Variants in LRP2 observed in about 807,000 individuals in gnomAD.
LRP2 encodes the protein LDL receptor related protein 2.
In LRP2, 172 loss-of-function variants were observed where a neutral mutation model predicts 531.0. That is an observed-to-expected ratio of 0.32 (90% CI 0.29 to 0.37). LRP2 has a LOEUF of 0.37. Among genes scored for constraint, LRP2 ranks in the 10% least tolerant of loss-of-function variants. The pLI, the probability that LRP2 is intolerant of heterozygous loss-of-function variation, is 1.00. For missense variants in LRP2, 5,167 were observed against 5,868.3 expected (o/e 0.88, Z 3.90); for synonymous variants, 1,992 against 2,027.6 (o/e 0.98, Z 0.47).
At chr2:169,193,706 C>T in intron 47 of LRP2, 55 bp downstream of exon 47, 1 of 1,610,112 alleles carries the variant, frequency 6.2e-7, no homozygotes, top group Non-Finnish European at 8.5e-7. Flanking sequence ...AAAAACAACT[C>T]TACTGTGTTT....
At chr2:169,170,770 T>A in intron 58 of LRP2, 103 bp from the exon 59 acceptor site, 1 of 822,960 alleles carries the variant, frequency 1.2e-6, no homozygotes, top group Non-Finnish European at 2.2e-6. Flanking sequence ...CACCCTCCTG[T>A]GTCCCAAGCC....
intron 3 of LRP2, among the ~76,000 whole-genome samples, chr2:169,314,032 A>G (rs1684691756): frequency 6.6e-6 from 1 of 152,198 alleles, no homozygotes; most frequent in East Asian, 1.9e-4. Context: ...TAGGTTCAGC[A>G]AAACTTGGTT....
At chr2:169,160,685 A>AAAAAAAAAAAAAAAAAAAAC in intron 63 of LRP2, among the ~76,000 whole-genome samples, 1 of 94,278 alleles carries the variant, frequency 1.1e-5, no homozygotes, top group Non-Finnish European at 2.2e-5. Flanking sequence ...ATTTCCTTAA[A>AAAAAAAAAAAAAAAAAAAAC]AAAAAAAAAA....
chr2:169,176,316 G>A (rs1389658369), intron 54 of LRP2, 95 bp downstream of exon 54: 7 of 1,431,040 alleles, frequency 4.9e-6, no homozygotes, highest in South Asian at 4.8e-5. Flanking sequence ...CCAAAATCTT[G>A]TCTCACTAGA....
rs1216987363 is a variant in LRP2, at chr2:169,284,256, C to CTTTTTTTTTTTTTTTTTTTTT, written c.1043-1276_1043-1256dup. 2.5e-4 allele frequency among the ~76,000 whole-genome samples: 24 copies of CTTTTTTTTTTTTTTTTTTTTT among 96,644 alleles called. 1 individual carries two copies. Among genetic ancestry groups the CTTTTTTTTTTTTTTTTTTTTT allele is most frequent in the African/African-American group, 6.6e-4 (15 of 22,708 alleles). The allele number at this position is 96,644 out of a possible 152,430, so 63.4% of individuals were successfully genotyped here. On this transcript the variant is annotated intron_variant, in intron 9 of 78. Coordinates refer to ENST00000649046, the MANE Select transcript of LRP2 (RefSeq NM_004525.3). ...CTTTTCTTTTCTTTTTCTTTTTTTT[C>CTTTTTTTTTTTTTTTTTTTTT]TTTTTTTTTTTTTTTTTTTTTTTTT...
rs554250402 is a variant in LRP2 at position 169,248,786 on chromosome 2, C to T, written c.2771-1271G>A. Among the ~76,000 whole-genome samples the T allele has an allele frequency of 1.6e-3, 213 of 131,524 alleles. 14 individuals are homozygous for T. Among genetic ancestry groups the T allele is most frequent in the Middle Eastern group, 0.011 (3 of 266 alleles). 86.3% of individuals were successfully genotyped at this position (131,524 alleles called of 152,430 possible). Reference sequence around the variant, plus strand: ...CAGGCCAGTGTGTGTGCGCACCGTGCGCGAGCCGAAGCAGAGCGAGGCATT... The same window carrying T: ...CAGGCCAGTGTGTGTGCGCACCGTGTGCGAGCCGAAGCAGAGCGAGGCATT... On this transcript the variant is annotated intron_variant, in intron 19 of 78. Coordinates refer to ENST00000649046, the MANE Select transcript of LRP2 (RefSeq NM_004525.3).
At chr2:169,238,003 G>GT (rs1689667524) in intron 27 of LRP2, 88 bp downstream of exon 27, 14 of 1,083,438 alleles carry the variant, frequency 1.3e-5, no homozygotes, top group Non-Finnish European at 2.0e-5. Flanking sequence ...CCCAGATGAG[G>GT]TAGGGCCTTC....
chr2:169,226,315 T>A, intron 32 of LRP2, 107 bp downstream of exon 32: 2 of 882,926 alleles, frequency 2.3e-6, no homozygotes, highest in Non-Finnish European at 3.7e-6. Context: ...TATTTCCACA[T>A]TGTTTCCCTT....
Position 169,277,746 on chromosome 2 carries a change from T to G in LRP2, c.1771A>C (p.Arg591=). The stretch of plus-strand genomic sequence containing the variant: ...TAAGCCATAAAAAATACTTCTTACC[T>G]TTGAATTCCATCATAAGTTACAGTT... ...IETVTYDGIQ[R]KTVVHGGSLI... The change falls in exon 13 of 79, where the codon AGG becomes CGG. Residue 591 remains arginine (R), a splice_region_variant and synonymous_variant. Transcript: ENST00000649046. The G allele has an allele frequency of 6.2e-7, 1 of 1,613,850 alleles. No individual in the cohort carries two copies. The highest frequency in any genetic ancestry group is 8.5e-7 in the Non-Finnish European group (1 of 1,179,748).
Position 169,173,227 on chromosome 2 carries a change from GA to G in LRP2, c.11015-4del, listed in dbSNP as rs751177234. On this transcript the variant is annotated splice_region_variant and splice_polypyrimidine_tract_variant and intron_variant, in intron 56 of 78. Coordinates refer to ENST00000649046, the MANE Select transcript of LRP2 (RefSeq NM_004525.3). ...GTCACAGAGATGGGCAGAGCTCACT[GA>G]AAAGGGAGGAGGCATCAAAGTCAGA... is the stretch of plus-strand genomic sequence containing the variant. 1 of 1,614,142 alleles carries G rather than the reference GA, an allele frequency of 6.2e-7. No individual in the cohort carries two copies. The highest frequency in any genetic ancestry group is 2.2e-5 in the East Asian group (1 of 44,886).
chr2:169,304,766 T>A (rs1319606853), intron 4 of LRP2, among the ~76,000 whole-genome samples: 2 of 152,310 alleles, frequency 1.3e-5, no homozygotes, highest in East Asian at 3.9e-4. Context: ...TATGCACATG[T>A]ATGTTTATTG....
intron 33 of LRP2, among the ~76,000 whole-genome samples, chr2:169,221,661 T>C (rs910577449): frequency 2.0e-5 from 3 of 152,210 alleles, no homozygotes; most frequent in African/African-American, 7.2e-5. Context: ...TACATGCGTG[T>C]GCACGTGTGT....
In LRP2 at chr2:169,182,218, T is replaced by C. The variant is rs1429713649; in HGVS notation, c.9947A>G (p.Asn3316Ser). 5 of 1,614,158 alleles carry C rather than the reference T, an allele frequency of 3.1e-6. No homozygotes were observed. The highest frequency in any genetic ancestry group is 1.3e-5 in the African/African-American group (1 of 75,058). Residue 3316 changes from asparagine to serine, a missense_variant, in exon 51 of 79, where the codon AAC becomes AGC. By Grantham distance (46) the Asn-to-Ser change is conservative. Around this residue, in one of 6 missense-constraint regions of LRP2, gnomAD observed 1,129 missense variants for 1,362.7 expected, o/e 0.83. Coordinates refer to ENST00000649046, the MANE Select transcript of LRP2 (RefSeq NM_004525.3). ...MLAQHCVDAN[N>S]TFCFDNPRGL... ...TCTGGGATTATCAAAGCAGAAGGTG[T>C]TGTTGGCATCCACACAGTGCTGGGC...
intron 38 of LRP2, among the ~76,000 whole-genome samples, 191 bp from the exon 39 acceptor site, chr2:169,207,441 T>C (rs1688437222): frequency 6.6e-6 from 1 of 152,342 alleles, no homozygotes; most frequent in African/African-American, 2.4e-5. Context: ...ATAGAGATTG[T>C]GTCTTCAAAT....
intron 72 of LRP2, among the ~76,000 whole-genome samples, chr2:169,139,945 T>C (rs1451171083): frequency 1.3e-5 from 2 of 152,220 alleles, no homozygotes; most frequent in Non-Finnish European, 2.9e-5. Context: ...ATGCTTTCAT[T>C]AAATGCTTTT....
At chr2:169,244,614 G>A in intron 22 of LRP2, 79 bp downstream of exon 22, 1 of 1,578,170 alleles carries the variant, frequency 6.3e-7, no homozygotes, top group Non-Finnish European at 8.7e-7. Flanking sequence ...GAGCCTTAGA[G>A]GAAAGAATGC....
chr2:169,317,494 A>G (rs1160380971), intron 3 of LRP2, among the ~76,000 whole-genome samples: 1 of 152,230 alleles, frequency 6.6e-6, no homozygotes. Context: ...AATATGGCAG[A>G]GCAAAAAAGT....
At chr2:169,359,068 T>C (rs75619091) in intron 1 of LRP2, among the ~76,000 whole-genome samples, 4,718 of 152,088 alleles carry the variant, frequency 0.031, 122 homozygotes, top group Middle Eastern at 0.055. Context: ...TAAGGGTTGA[T>C]AAATATAATA....
At chr2:169,155,642 G>A (rs952728131) in intron 65 of LRP2, among the ~76,000 whole-genome samples, 1 of 151,754 alleles carries the variant, frequency 6.6e-6, no homozygotes, top group African/African-American at 2.4e-5. Flanking sequence ...CAGGCCTCTG[G>A]AATTTGGAGT....
Sources: allele counts gnomAD v4.1 joint callset (sites outside exome capture counted in the v4.1 genomes callset), GRCh38; gene constraint gnomAD v4.1.1; regional missense constraint gnomAD v4.1.1; transcripts MANE v1.5; gene names NCBI Gene and HGNC (gene_info 2026-07-23, HGNC 2026-07-21).